NBEA: variants seen among roughly 807,000 people sequenced by gnomAD.
The protein encoded by NBEA is neurobeachin.
NBEA carries 44 observed loss-of-function variants against 343.4 expected under a neutral mutation model. That is an observed-to-expected ratio of 0.13 (90% CI 0.10 to 0.16). NBEA has a LOEUF of 0.16. Ranked by LOEUF, NBEA falls within the 10% of genes least tolerant of loss-of-function variation. The probability of loss-of-function intolerance (pLI) is 1.00; values close to 1 mark genes in which losing one functional copy is unlikely to be tolerated. For synonymous variants in NBEA, 1,175 were observed against 1,238.7 expected (o/e 0.95, Z 1.08); for missense variants, 2,555 against 3,631.3 (o/e 0.70, Z 7.62).
chr13:35,021,250 CT>C (rs2061828533), intron 1 of NBEA, among the ~76,000 whole-genome samples: 4 of 152,128 alleles, frequency 2.6e-5, no homozygotes, highest in Admixed American at 1.3e-4. Flanking sequence ...CCTGTGTCTG[CT>C]TTCAAGTTAC....
chr13:35,091,037 G>A (rs1029743353), intron 10 of NBEA, among the ~76,000 whole-genome samples: 4 of 151,922 alleles, frequency 2.6e-5, no homozygotes, highest in South Asian at 2.1e-4. Flanking sequence ...AGTTCTGAGT[G>A]CCCTGTTAAT....
intron 1 of NBEA, among the ~76,000 whole-genome samples, chr13:34,982,833 G>T (rs1220807601): frequency 6.6e-6 from 1 of 151,954 alleles, no homozygotes; most frequent in Non-Finnish European, 1.5e-5. Context: ...TTCACCTATG[G>T]GTTTTTTTTG....
chr13:35,159,003 A>G lies in NBEA; in HGVS notation c.2845-13A>G, dbSNP rs1248067160. 1 of 1,547,304 alleles carries G rather than the reference A, an allele frequency of 6.5e-7. No homozygotes were observed. The highest frequency in any genetic ancestry group is 2.1e-5 in the Admixed American group (1 of 46,686). Reference sequence around the variant, plus strand: ...TACAAAATGCCTTAATGTTTTCTTTACTTATTCCTAAGGTCACTTATGAAG... The same window carrying G: ...TACAAAATGCCTTAATGTTTTCTTTGCTTATTCCTAAGGTCACTTATGAAG... On this transcript the variant is annotated splice_polypyrimidine_tract_variant and intron_variant, in intron 21 of 58. Coordinates refer to ENST00000379939, the MANE Select transcript of NBEA (RefSeq NM_001385012.1).
intron 26 of NBEA, among the ~76,000 whole-genome samples, 168 bp downstream of exon 26, chr13:35,171,620 T>A (rs1249110586): frequency 6.6e-6 from 1 of 152,050 alleles, no homozygotes; most frequent in Admixed American, 6.6e-5. Context: ...TACTAAATTT[T>A]AAAAAATTAT....
At chr13:35,284,099 T>A (rs1461295591) in intron 34 of NBEA, among the ~76,000 whole-genome samples, 2 of 152,126 alleles carry the variant, frequency 1.3e-5, no homozygotes, top group Non-Finnish European at 2.9e-5. Context: ...TTATGTATTG[T>A]CTATGGCTAC....
intron 1 of NBEA, among the ~76,000 whole-genome samples, chr13:34,982,524 C>T (rs1189427608): frequency 6.6e-6 from 1 of 152,158 alleles, no homozygotes; most frequent in Non-Finnish European, 1.5e-5. Context: ...TGGTCTTGAA[C>T]TCCTGGCCTC....
chr13:35,298,209 GTGTATATATATA>G (rs766804191), intron 35 of NBEA, among the ~76,000 whole-genome samples: 6,399 of 60,514 alleles, frequency 0.11, 165 homozygotes, highest in South Asian at 0.18. Flanking sequence ...GTGTGTGTGT[GTGTATATATATA>G]TATATATATA....
intron 1 of NBEA, among the ~76,000 whole-genome samples, chr13:34,975,509 A>G (rs2060137573): frequency 6.6e-6 from 1 of 152,204 alleles, no homozygotes. Flanking sequence ...AAACCCTTCT[A>G]GACATTGGCT....
At chr13:35,565,316 ATATT>A (rs1362726549) in intron 44 of NBEA, among the ~76,000 whole-genome samples, 15 of 152,194 alleles carry the variant, frequency 9.9e-5, no homozygotes, top group Admixed American at 2.6e-4. Context: ...TTTTCTAAAT[ATATT>A]AATTAATTTG....
chr13:35,050,359 T>C lies in NBEA; in HGVS notation c.936T>C (p.Phe312=). The C allele has an allele frequency of 2.5e-6, 4 of 1,608,904 alleles. No individual in the cohort carries two copies. The highest frequency in any genetic ancestry group is 3.4e-6 in the Non-Finnish European group (4 of 1,177,906). ...VTSLKSKGKG[F]QHCVKYDFQP... is the part of the protein sequence containing the mutation. ...CATTGAAGTCCAAAGGAAAAGGTTT[T>C]CAGCATTGTGTGAAATATGATTTTC... Residue 312 remains phenylalanine, a synonymous_variant, in exon 6 of 59, where the codon TTT becomes TTC. Transcript: ENST00000379939.
At chr13:35,422,770 T>G (rs897059494) in intron 38 of NBEA, among the ~76,000 whole-genome samples, 3 of 152,200 alleles carry the variant, frequency 2.0e-5, no homozygotes, top group African/African-American at 7.2e-5. Flanking sequence ...CACCAACGTG[T>G]AAAAGTGTTC....
At chr13:35,336,554 C>A (rs2039275148) in intron 36 of NBEA, among the ~76,000 whole-genome samples, 3 of 151,502 alleles carry the variant, frequency 2.0e-5, no homozygotes, top group Admixed American at 2.0e-4. Context: ...AATTGTTCTA[C>A]CATTAAGACA....
chr13:35,167,713 T>C (rs979997470), intron 24 of NBEA, among the ~76,000 whole-genome samples: 23 of 151,926 alleles, frequency 1.5e-4, no homozygotes, highest in Non-Finnish European at 2.9e-4. Context: ...TTGTTGATTT[T>C]TTTAGTTGAT....
chr13:35,344,115 G>T (rs1462360510), intron 36 of NBEA, among the ~76,000 whole-genome samples: 1 of 151,928 alleles, frequency 6.6e-6, no homozygotes, highest in Non-Finnish European at 1.5e-5. Flanking sequence ...ATATTTGAAG[G>T]CGAGGACAAA....
At chr13:35,603,630 TG>T (rs2082155451) in intron 47 of NBEA, among the ~76,000 whole-genome samples, 1 of 152,234 alleles carries the variant, frequency 6.6e-6, no homozygotes, top group African/African-American at 2.4e-5. Flanking sequence ...GCTATGTACA[TG>T]TAGATATATA....
intron 5 of NBEA, 95 bp downstream of exon 5, chr13:35,048,779 A>G (rs1593582903): frequency 6.0e-6 from 4 of 670,160 alleles, no homozygotes; most frequent in Non-Finnish European, 9.8e-6. Context: ...ATATATGTAT[A>G]TATGTGCGTA....
intron 1 of NBEA, among the ~76,000 whole-genome samples, chr13:35,031,838 C>T (rs564873971): frequency 6.9e-4 from 105 of 151,722 alleles, no homozygotes; most frequent in Middle Eastern, 6.8e-3. Context: ...TCTGTTGTTT[C>T]CTTCTTTATG....
chr13:35,319,564 A>G (rs765167602), intron 36 of NBEA, among the ~76,000 whole-genome samples: 3 of 152,158 alleles, frequency 2.0e-5, no homozygotes, highest in African/African-American at 4.8e-5. Context: ...AAAAATATAT[A>G]TTCTATTCAT....
intron 40 of NBEA, among the ~76,000 whole-genome samples, chr13:35,465,164 C>A (rs189983662): frequency 2.9e-4 from 44 of 151,938 alleles, no homozygotes; most frequent in African/African-American, 1.0e-3. Flanking sequence ...AATTTGAAAT[C>A]AATTTCAGAA....
Sources: gnomAD v4.1 joint callset for allele counts (sites outside exome capture counted in the v4.1 genomes callset) on GRCh38, gnomAD v4.1.1 for gene constraint, MANE v1.5 for transcripts, NCBI Gene and HGNC (gene_info 2026-07-23, HGNC 2026-07-21) for gene names.